Variants in ATAD3A observed in about 807,000 individuals in gnomAD.
ATAD3A encodes the protein ATPase family AAA domain-containing protein 3A.
Under a neutral mutation model 73.8 loss-of-function variants are expected in ATAD3A, and 46 were observed. The observed-to-expected ratio is 0.62, with a 90% CI of 0.49 to 0.80. The LOEUF (loss-of-function observed/expected upper bound fraction) is 0.80. Among genes scored for constraint, ATAD3A ranks in the 30% least tolerant of loss-of-function variants. The pLI, the probability that ATAD3A is intolerant of heterozygous loss-of-function variation, is 0.00. For missense variants in ATAD3A, 705 were observed against 838.0 expected (o/e 0.84, Z 1.96); for synonymous variants, 319 against 350.0 (o/e 0.91, Z 0.99).
At chr1:1,531,181 G>A (rs1642022096) in intron 15 of ATAD3A, among the ~76,000 whole-genome samples, 1 of 152,034 alleles carries the variant, frequency 6.6e-6, no homozygotes, top group African/African-American at 2.4e-5. Flanking sequence ...TAGGCCAGGT[G>A]CAGTGGCTCA....
Position 1,527,646 on chromosome 1 carries a change from C to T in ATAD3A, c.1338-49C>T, listed in dbSNP as rs144874236. On this transcript the variant is annotated intron_variant, in intron 13 of 15. Transcript: ENST00000378756. ...TGAGGAGGCCCCGTTCCCCTTGGTG[C>T]AGCTCGGCCGGCAGCCCCAGCATCC... The T allele has an allele frequency of 7.1e-4, 1,106 of 1,568,064 alleles. 1 individual carries two copies. Among genetic ancestry groups the T allele is most frequent in the South Asian group, 8.2e-4 (69 of 84,632 alleles).
intron 5 of ATAD3A, 137 bp downstream of exon 5, chr1:1,519,127 C>T (rs370800579): frequency 5.7e-5 from 88 of 1,546,964 alleles, no homozygotes; most frequent in South Asian, 3.5e-4. Flanking sequence ...TGGGGCTCCG[C>T]GGGGTGGGGC....
At position 1,523,020 on chromosome 1, in the gene ATAD3A, A is replaced by G; in HGVS notation, c.906+121A>G. 1 of 1,475,564 alleles carries G rather than the reference A, an allele frequency of 6.8e-7. No homozygotes were observed. Among genetic ancestry groups the G allele is most frequent in the Non-Finnish European group, 9.0e-7 (1 of 1,105,538 alleles). The allele number at this position is 1,475,564 out of a possible 1,614,324, so 91.4% of individuals were successfully genotyped here. A position where few individuals can be genotyped will look rare whatever the true frequency, so the allele number is the denominator to read the frequency against. On this transcript the variant is annotated intron_variant, in intron 8 of 15. Transcript: ENST00000378756. The surrounding 1 kb of genome is among the most constrained non-coding windows in gnomAD (Gnocchi z 5.1). ...CTTTCCCCGGATAACGGGCACCCGC[A>G]CACTGCTTCACGGGTGGGTTTTCCT...
intron 4 of ATAD3A, among the ~76,000 whole-genome samples, 177 bp downstream of exon 4, chr1:1,517,952 T>C (rs1462167140): frequency 6.6e-6 from 1 of 151,836 alleles, no homozygotes; most frequent in Non-Finnish European, 1.5e-5. Context: ...CAGGCACACA[T>C]GCAGACGTGT....
In ATAD3A at chr1:1,518,915, T is replaced by C. The variant is rs1641486869; in HGVS notation, c.445-6T>C. On this transcript the variant is annotated splice_region_variant and splice_polypyrimidine_tract_variant and intron_variant, in intron 4 of 15. Coordinates refer to ENST00000378756, the MANE Select transcript of ATAD3A (RefSeq NM_001170535.3). ...GCTTTTCTCTTTTTCTGCGGCTTCT[T>C]CTCAGCAACTTCTCAATGAGGAGAA... 4.3e-6 allele frequency: 7 copies of C among 1,614,098 alleles called. No homozygotes were observed. Among genetic ancestry groups the C allele is most frequent in the African/African-American group, 1.3e-5 (1 of 75,032 alleles).
At chr1:1,532,809 T>C (rs1025951239) in intron 15 of ATAD3A, among the ~76,000 whole-genome samples, 304 of 151,176 alleles carry the variant, frequency 2.0e-3, no homozygotes, top group Non-Finnish European at 3.4e-3. Flanking sequence ...GGTGCGGCTC[T>C]GGTCAGTGTC....
rs532378645 is a variant in ATAD3A, at chr1:1,520,551, G to A, written c.684G>A (p.Thr228=). The change falls in exon 7 of 16, where the codon ACG becomes ACA. Residue 228 remains threonine, a synonymous_variant. Coordinates refer to ENST00000378756, the MANE Select transcript of ATAD3A (RefSeq NM_001170535.3). The surrounding 1 kb of genome is among the most constrained non-coding windows in gnomAD (Gnocchi z 4.0). ...CACACCACTGCTTTCCCCGCAGGAC[G>A]GCTGGCACCTTGTTTGGGGAAGGAT... ...HRQTVLESIR[T]AGTLFGEGFR... is the part of the protein sequence containing the mutation. The A allele has an allele frequency of 6.1e-5, 98 of 1,614,018 alleles. 2 individuals are homozygous for A. The South Asian group carries it at 8.7e-4, about 14-fold the overall frequency.
At chr1:1,521,310 A>AC (rs1641589391) in intron 7 of ATAD3A, among the ~76,000 whole-genome samples, 1 of 141,756 alleles carries the variant, frequency 7.1e-6, no homozygotes, top group Admixed American at 6.8e-5. Flanking sequence ...AAAAAAAAAA[A>AC]AAAAAAAAAA....
chr1:1,532,523 G>A (rs971622484), intron 15 of ATAD3A, among the ~76,000 whole-genome samples: 5 of 152,226 alleles, frequency 3.3e-5, no homozygotes, highest in African/African-American at 1.2e-4. Flanking sequence ...ATGTGTCACT[G>A]TTGGACCCAC....
intron 1 of ATAD3A, 77 bp from the exon 2 acceptor site, chr1:1,515,935 C>T: frequency 5.1e-6 from 8 of 1,559,886 alleles, no homozygotes; most frequent in South Asian, 2.3e-5. Flanking sequence ...TCCAGAAAGC[C>T]CCTTGGCTGG....
chr1:1,513,504 G>A (rs1641263530), intron 1 of ATAD3A, among the ~76,000 whole-genome samples: 1 of 151,596 alleles, frequency 6.6e-6, no homozygotes, highest in Admixed American at 6.6e-5. Context: ...GGCGTTGCCA[G>A]TGCCTTGGTC....
intron 4 of ATAD3A, among the ~76,000 whole-genome samples, chr1:1,518,237 C>CTGCA (rs1405574883): frequency 2.6e-5 from 4 of 151,200 alleles, no homozygotes; most frequent in African/African-American, 9.7e-5. Context: ...CACATACACC[C>CTGCA]CGCACACACA....
rs1319464703 is a variant in ATAD3A, at chr1:1,520,084, G to T, written c.515-57G>T. The stretch of plus-strand genomic sequence containing the variant: ...TGGCGTGGGCCGGTCCACAGTGTGG[G>T]TGGAGGTGGACGCGCTGCACTGCAT... On this transcript the variant is annotated intron_variant, in intron 5 of 15. Coordinates refer to ENST00000378756, the MANE Select transcript of ATAD3A (RefSeq NM_001170535.3). This position sits in a 1 kb window ranked among gnomAD's most constrained non-coding sequence, Gnocchi z 4.0. 1 of 1,565,444 alleles carries T rather than the reference G, an allele frequency of 6.4e-7. No homozygotes were observed.
intron 7 of ATAD3A, 89 bp from the exon 8 acceptor site, chr1:1,522,653 GGA>G (rs1215304217): frequency 1.3e-6 from 2 of 1,575,572 alleles, no homozygotes; most frequent in East Asian, 2.3e-5. Context: ...TCCCTCGGGC[GGA>G]GAGAGGGTGG....
intron 11 of ATAD3A, among the ~76,000 whole-genome samples, chr1:1,524,777 A>G (rs1333330995): frequency 6.8e-6 from 1 of 146,912 alleles, no homozygotes; most frequent in African/African-American, 2.6e-5. Flanking sequence ...TTAGCTGAAG[A>G]CAGCATGGCA....
chr1:1,528,285 C>T (rs1254176308), intron 14 of ATAD3A, among the ~76,000 whole-genome samples: 6 of 152,202 alleles, frequency 3.9e-5, no homozygotes, highest in South Asian at 2.1e-4. Flanking sequence ...CTCTTCACTA[C>T]GAGGAGGGCT....
At chr1:1,516,752 C>T (rs946875815) in intron 2 of ATAD3A, among the ~76,000 whole-genome samples, 2 of 151,852 alleles carry the variant, frequency 1.3e-5, no homozygotes, top group African/African-American at 4.8e-5. Flanking sequence ...GAGTCTTAGT[C>T]TGTCTTCCAG....
At chr1:1,514,365 C>T (rs917255720) in intron 1 of ATAD3A, among the ~76,000 whole-genome samples, 1 of 152,144 alleles carries the variant, frequency 6.6e-6, no homozygotes, top group African/African-American at 2.4e-5. Flanking sequence ...GACACACCCT[C>T]AGTCCCCTCG....
intron 7 of ATAD3A, among the ~76,000 whole-genome samples, chr1:1,521,335 A>G (rs1405482232): frequency 2.7e-5 from 4 of 150,512 alleles, no homozygotes; most frequent in South Asian, 2.1e-4. Flanking sequence ...AAAAACCAGA[A>G]GGCAACCCTG....
Sources: allele counts gnomAD v4.1 joint callset (sites outside exome capture counted in the v4.1 genomes callset), GRCh38; gene constraint gnomAD v4.1.1; non-coding constraint Gnocchi (gnomAD v3.1); transcripts MANE v1.5; gene names NCBI Gene and HGNC (gene_info 2026-07-23, HGNC 2026-07-21).